FAT2: variants seen among roughly 807,000 people sequenced by gnomAD.
FAT2 encodes protocadherin Fat 2.
In FAT2, 150 loss-of-function variants were observed where a neutral mutation model predicts 295.3. That is an observed-to-expected ratio of 0.51 (90% CI 0.44 to 0.58). The LOEUF (loss-of-function observed/expected upper bound fraction) is 0.58. Among genes scored for constraint, FAT2 ranks in the 20% least tolerant of loss-of-function variants. The probability of loss-of-function intolerance (pLI) is 0.00; values close to 1 mark genes in which losing one functional copy is unlikely to be tolerated. For synonymous variants in FAT2, 2,026 were observed against 2,150.3 expected (o/e 0.94, Z 1.60); for missense variants, 4,868 against 5,442.7 (o/e 0.89, Z 3.32).
At chr5:151,508,428 G>A (rs981615002) in intron 22 of FAT2, among the ~76,000 whole-genome samples, 11 of 152,332 alleles carry the variant, frequency 7.2e-5, no homozygotes, top group Admixed American at 3.9e-4. Context: ...GACTGAAGTC[G>A]ACTGGGCGCA....
chr5:151,540,813 A>G (rs2127603111), intron 10 of FAT2, 50 bp from the exon 11 acceptor site: 3 of 1,522,188 alleles, frequency 2.0e-6, no homozygotes, highest in Non-Finnish European at 2.7e-6. Context: ...GGAATGAACT[A>G]GGCTTTGTGT....
At chr5:151,521,125 C>T in intron 19 of FAT2, 151 bp downstream of exon 19, 1 of 714,006 alleles carries the variant, frequency 1.4e-6, no homozygotes, top group African/African-American at 1.8e-5. Flanking sequence ...TTTTGTGAGG[C>T]CACTAGCCGT....
At chr5:151,511,855 A>G in intron 21 of FAT2, 1 of 325,504 alleles carries the variant, frequency 3.1e-6, no homozygotes, top group South Asian at 7.2e-5. Context: ...GGGAATGAGA[A>G]GGAGACTGTG....
chr5:151,543,026 G>A lies in FAT2; in HGVS notation c.8101C>T (p.Pro2701Ser). The A allele has an allele frequency of 6.2e-7, 1 of 1,614,168 alleles. No homozygotes were observed. The highest frequency in any genetic ancestry group is 8.5e-7 in the Non-Finnish European group (1 of 1,180,028). The change falls in exon 10 of 24, where the codon CCT becomes TCT. Residue 2701 changes from proline to serine, a missense_variant. This residue lies in a region of FAT2 where 3,297 missense variants were observed against 3,669.4 expected (regional missense o/e 0.90). Coordinates refer to ENST00000261800, the MANE Select transcript of FAT2 (RefSeq NM_001447.3). ...TCAGACCCCTCTGGAAGGTCTTCAG[G>A]TGCAGAGAAAGTATACAAAGGTTCA... is the stretch of plus-strand genomic sequence containing the variant. ...FSEPLYTFSA[P>S]EDLPEGSEIG...
At chr5:151,534,721 A>G (rs1755043293) in intron 12 of FAT2, 79 bp from the exon 13 acceptor site, 1 of 1,215,080 alleles carries the variant, frequency 8.2e-7, no homozygotes. Flanking sequence ...TATCTACAGG[A>G]GACAAACCCA....
intron 22 of FAT2, among the ~76,000 whole-genome samples, chr5:151,508,782 G>T (rs930485397): frequency 1.1e-4 from 16 of 151,936 alleles, no homozygotes; most frequent in Non-Finnish European, 4.4e-5. Context: ...CCCTGCCTGG[G>T]CCTCAGTTAC....
At position 151,566,020 on chromosome 5, in the gene FAT2, G is replaced by A. The variant is rs754542323; in HGVS notation, c.2912C>T (p.Thr971Ile). Residue 971 changes from threonine (T) to isoleucine (I), a missense_variant, in exon 2 of 24, where the codon ACC becomes ATC. Physicochemically the swap from Thr to Ile is moderately conservative, Grantham distance 89. This residue lies in a region of FAT2 where 3,297 missense variants were observed against 3,669.4 expected (regional missense o/e 0.90). Transcript: ENST00000261800. The stretch of plus-strand genomic sequence containing the variant: ...CCCTGTCATCAGGTCCACCCGGAAG[G>A]TCCCATGGGCGCCATCCATCAGAAC... Reference protein sequence around the residue: ...RYVLMDGAHGTFRVDLMTGAL... With the variant: ...RYVLMDGAHGIFRVDLMTGAL... The A allele has an allele frequency of 2.5e-6, 4 of 1,614,004 alleles. No homozygotes were observed. The highest frequency in any genetic ancestry group is 1.3e-5 in the African/African-American group (1 of 74,914).
At chr5:151,579,220 A>G (rs1235677488) in intron 1 of FAT2, among the ~76,000 whole-genome samples, 3 of 152,206 alleles carry the variant, frequency 2.0e-5, no homozygotes, top group African/African-American at 7.2e-5. Flanking sequence ...AAGGCATTGT[A>G]TATTGTACTT....
In FAT2 at chr5:151,543,238, A is replaced by G; in HGVS notation, c.7889T>C (p.Val2630Ala). ...VTYSVNPEDLVKDVIEINPVT... is the reference protein window; with the variant it reads ...VTYSVNPEDLAKDVIEINPVT... ...TGGGTTAATTTCAATGACATCTTTAACTAGGTCCTCTGGGTTCACTGAGTA... is the reference window on the plus strand; with the variant it reads ...TGGGTTAATTTCAATGACATCTTTAGCTAGGTCCTCTGGGTTCACTGAGTA... The change falls in exon 10 of 24, where the codon GTT becomes GCT. Residue 2630 changes from valine (V) to alanine (A), a missense_variant. Physicochemically the swap from Val to Ala is moderately conservative, Grantham distance 64. Around this residue, in one of 5 missense-constraint regions of FAT2, gnomAD observed 3,297 missense variants for 3,669.4 expected, o/e 0.90. Coordinates refer to ENST00000261800, the MANE Select transcript of FAT2 (RefSeq NM_001447.3). 6.2e-7 allele frequency: 1 copy of G among 1,614,146 alleles called. No individual in the cohort carries two copies. The highest frequency in any genetic ancestry group is 8.5e-7 in the Non-Finnish European group (1 of 1,180,014).
At position 151,567,122 on chromosome 5, in the gene FAT2, C is replaced by G; in HGVS notation, c.1810G>C (p.Gly604Arg). ...AGATCAAAATACTCTAGTTCATTGC[C>G]TGATACAATCTCGTATTTTAGGTTC... ...LQNLKYEIVS[G>R]NELEYFDLNH... is the part of the protein sequence containing the mutation. Residue 604 changes from glycine to arginine, a missense_variant, in exon 2 of 24, where the codon GGC (glycine) becomes CGC (arginine). Around this residue, in one of 5 missense-constraint regions of FAT2, gnomAD observed 3,297 missense variants for 3,669.4 expected, o/e 0.90. Coordinates refer to ENST00000261800, the MANE Select transcript of FAT2 (RefSeq NM_001447.3). 1 of 1,614,096 alleles carries G rather than the reference C, an allele frequency of 6.2e-7. No individual in the cohort carries two copies. The highest frequency in any genetic ancestry group is 8.5e-7 in the Non-Finnish European group (1 of 1,180,022).
intron 1 of FAT2, among the ~76,000 whole-genome samples, chr5:151,575,563 A>G (rs1428539509): frequency 6.6e-6 from 1 of 152,238 alleles, no homozygotes; most frequent in Non-Finnish European, 1.5e-5. Flanking sequence ...GCACTGGAAC[A>G]CACTCAGTAC....
At chr5:151,553,435 G>C in intron 5 of FAT2, 48 bp from the exon 6 acceptor site, 1 of 1,555,842 alleles carries the variant, frequency 6.4e-7, no homozygotes, top group Non-Finnish European at 8.8e-7. Flanking sequence ...CAAGAGACAG[G>C]AAGACCCAAG....
At chr5:151,519,417 T>G (rs1015894698) in intron 19 of FAT2, among the ~76,000 whole-genome samples, 1 of 152,212 alleles carries the variant, frequency 6.6e-6, no homozygotes, top group Non-Finnish European at 1.5e-5. Context: ...AGGTACTTAT[T>G]GGATGGGATA....
intron 3 of FAT2, among the ~76,000 whole-genome samples, chr5:151,560,757 C>A (rs1757982217): frequency 6.6e-6 from 1 of 152,196 alleles, no homozygotes; most frequent in Non-Finnish European, 1.5e-5. Flanking sequence ...TCATATAACT[C>A]CACAGCACAT....
chr5:151,549,717 A>G (rs969123367), intron 8 of FAT2, among the ~76,000 whole-genome samples: 7 of 152,180 alleles, frequency 4.6e-5, no homozygotes, highest in Admixed American at 1.3e-4. Context: ...AGCTGTTTTA[A>G]TGGATAATTC....
rs1760960290 is a variant in FAT2 at position 151,507,235 on chromosome 5, G to A, written c.12436C>T (p.Pro4146Ser). Residue 4146 changes from proline (P) to serine (S), a missense_variant, in exon 23 of 24, where the codon CCC becomes TCC. Physicochemically the swap from Pro to Ser is moderately conservative, Grantham distance 74. Coordinates refer to ENST00000261800, the MANE Select transcript of FAT2 (RefSeq NM_001447.3). ...GGGACCGCAGCTGGCGGGAGTCTGG[G>A]GGGCACACTGCAGACCACTGGCCGT... is the stretch of plus-strand genomic sequence containing the variant. ...KQRPVVCSVP[P>S]RLPPAAVPSH... 2.5e-6 allele frequency: 4 copies of A among 1,613,980 alleles called. No individual in the cohort carries two copies. Among genetic ancestry groups the A allele is most frequent in the Middle Eastern group, 1.6e-4 (1 of 6,062 alleles).
At chr5:151,538,799 C>A (rs1372503681) in intron 11 of FAT2, among the ~76,000 whole-genome samples, 1 of 152,096 alleles carries the variant, frequency 6.6e-6, no homozygotes, top group African/African-American at 2.4e-5. Context: ...GCCTCAGCCT[C>A]CTAGGTAGCT....
intron 19 of FAT2, among the ~76,000 whole-genome samples, chr5:151,519,549 C>T (rs748889484): frequency 2.0e-5 from 3 of 151,930 alleles, no homozygotes; most frequent in Non-Finnish European, 4.4e-5. Flanking sequence ...CTGGGTGGCA[C>T]GTGGAAATAT....
intron 1 of FAT2, among the ~76,000 whole-genome samples, chr5:151,574,145 G>A (rs970674643): frequency 2.6e-5 from 4 of 152,156 alleles, no homozygotes; most frequent in Non-Finnish European, 5.9e-5. Context: ...GCTTGTTTGA[G>A]AGTCAGTGTA....
Sources: gnomAD v4.1 joint callset for allele counts (sites outside exome capture counted in the v4.1 genomes callset) on GRCh38, gnomAD v4.1.1 for gene constraint, gnomAD v4.1.1 regional missense constraint, MANE v1.5 for transcripts, NCBI Gene and HGNC (gene_info 2026-07-23, HGNC 2026-07-21) for gene names.